RNF170: variants seen among roughly 807,000 people sequenced by gnomAD.
The protein encoded by RNF170 is ring finger protein 170.
Under a neutral mutation model 32.7 loss-of-function variants are expected in RNF170, and 12 were observed. That is an observed-to-expected ratio of 0.37 (90% confidence interval 0.24 to 0.60). RNF170 has a LOEUF of 0.60. RNF170 is among the 20% of genes least tolerant of loss of function. RNF170 has a pLI of 0.72. For missense variants in RNF170, 212 were observed against 311.2 expected (o/e 0.68, Z 2.40); for synonymous variants, 91 against 103.6 (o/e 0.88, Z 0.74).
chr8:42,850,733 A>G (rs1304964947), downstream of RNF170: 11 of 1,548,206 alleles, frequency 7.1e-6, no homozygotes, highest in Non-Finnish European at 3.5e-6. Flanking sequence ...GTCACTGCCT[A>G]CTTTTGCACT....
intron 1 of RNF170, among the ~76,000 whole-genome samples, chr8:42,888,340 A>G (rs1490904171): frequency 6.6e-6 from 1 of 152,098 alleles, no homozygotes; most frequent in Non-Finnish European, 1.5e-5. Context: ...CCGGGATTAC[A>G]GGCATGAGCC....
At chr8:42,896,385 G>A (rs1309444403) in intron 1 of RNF170, 99 bp downstream of exon 1, 2 of 441,430 alleles carry the variant, frequency 4.5e-6, no homozygotes, top group South Asian at 3.2e-5. Context: ...GCCCCGCAGA[G>A]CCTCGGCGGC....
At chr8:42,871,117 G>A (rs919192215) in intron 3 of RNF170, among the ~76,000 whole-genome samples, 2 of 151,952 alleles carry the variant, frequency 1.3e-5, no homozygotes, top group African/African-American at 4.8e-5. Context: ...GGGTGAGGTG[G>A]GAGAATCACT....
chr8:42,877,802 G>C (rs1406720621), intron 2 of RNF170, among the ~76,000 whole-genome samples: 1 of 152,272 alleles, frequency 6.6e-6, no homozygotes, highest in African/African-American at 2.4e-5. Flanking sequence ...CAGAAACTAT[G>C]TATATCAAAG....
At chr8:42,850,826 G>A (rs993735131), downstream of RNF170, 3 of 1,551,538 alleles carry the variant, frequency 1.9e-6, no homozygotes, top group African/African-American at 2.7e-5. Flanking sequence ...ACACAGTCTA[G>A]TAACGTGAAG....
chr8:42,890,328 A>G (rs1806194522), intron 1 of RNF170, among the ~76,000 whole-genome samples: 1 of 144,406 alleles, frequency 6.9e-6, no homozygotes, highest in South Asian at 2.2e-4. Context: ...CCCAGGCTGG[A>G]GTGCAGCAAC....
intron 4 of RNF170, among the ~76,000 whole-genome samples, chr8:42,869,067 C>T (rs968988248): frequency 4.6e-5 from 7 of 152,028 alleles, no homozygotes; most frequent in African/African-American, 9.7e-5. Flanking sequence ...TGAGCTATTG[C>T]GCCTGGCTAA....
intron 5 of RNF170, among the ~76,000 whole-genome samples, chr8:42,862,928 G>A (rs1020594275): frequency 6.6e-6 from 1 of 152,190 alleles, no homozygotes; most frequent in Non-Finnish European, 1.5e-5. Flanking sequence ...TGGTCCTGGG[G>A]CAGGTGCAAG....
At chr8:42,864,411 T>C (rs1474214832) in intron 5 of RNF170, among the ~76,000 whole-genome samples, 1 of 152,180 alleles carries the variant, frequency 6.6e-6, no homozygotes, top group Non-Finnish European at 1.5e-5. Context: ...TGTATTTTTA[T>C]TTTAAATGAA....
At chr8:42,886,533 C>G (rs532368401) in intron 2 of RNF170, among the ~76,000 whole-genome samples, 92 of 152,276 alleles carry the variant, frequency 6.0e-4, no homozygotes, top group Admixed American at 2.5e-3. Flanking sequence ...TCAAGTGATT[C>G]TCACGCCTCA....
At chr8:42,896,896 C>G (rs1015920017), upstream of RNF170, 1 of 356,408 alleles carries the variant, frequency 2.8e-6, no homozygotes, top group African/African-American at 2.1e-5. Flanking sequence ...GGACGCGGGG[C>G]GGCGGGCGTG....
At position 42,855,095 on chromosome 8, in the gene RNF170, G is replaced by A. The variant is rs1442914235; in HGVS notation, c.*1064C>T. ...AAATGCATCAGGCTACTCTGTGTTT[G>A]CAGCATCGCCCAGGTTCCTAAAACA... is the stretch of plus-strand genomic sequence containing the variant. On this transcript the variant is annotated 3_prime_UTR_variant, in exon 7 of 7. Coordinates refer to ENST00000527424, the MANE Select transcript of RNF170 (RefSeq NM_030954.4). The A allele has an allele frequency of 1.6e-6, 2 of 1,287,198 alleles. No individual in the cohort carries two copies. Among genetic ancestry groups the A allele is most frequent in the African/African-American group, 3.0e-5 (2 of 65,906 alleles). The allele number at this position is 1,287,198 out of a possible 1,614,324, so 79.7% of individuals were successfully genotyped here.
chr8:42,865,051 G>T (rs1803980460), intron 5 of RNF170, among the ~76,000 whole-genome samples: 1 of 151,592 alleles, frequency 6.6e-6, no homozygotes, highest in African/African-American at 2.4e-5. Context: ...GCGTTCAGGA[G>T]TTTCAGACCA....
At chr8:42,883,682 C>G (rs1166249664) in intron 2 of RNF170, among the ~76,000 whole-genome samples, 1 of 151,534 alleles carries the variant, frequency 6.6e-6, no homozygotes, top group South Asian at 2.1e-4. Flanking sequence ...GAGTTCAAGA[C>G]CAGCCTGACC....
At chr8:42,864,705 G>T (rs1803949396) in intron 5 of RNF170, among the ~76,000 whole-genome samples, 1 of 150,446 alleles carries the variant, frequency 6.6e-6, no homozygotes, top group South Asian at 2.1e-4. Flanking sequence ...TAAAAGGAAT[G>T]AAACATTAAA....
At chr8:42,857,191 ATAAGT>A (rs765695108) in intron 6 of RNF170, among the ~76,000 whole-genome samples, 100 of 152,372 alleles carry the variant, frequency 6.6e-4, no homozygotes, top group Middle Eastern at 6.8e-3. Context: ...CAAGTGCCAA[ATAAGT>A]TGAGAGGGAG....
chr8:42,858,778 T>C (rs1803435748), intron 6 of RNF170, among the ~76,000 whole-genome samples: 2 of 152,114 alleles, frequency 1.3e-5, no homozygotes, highest in Admixed American at 6.5e-5. Flanking sequence ...GCTGAGAGCA[T>C]AGAGCAGGGT....
intron 1 of RNF170, among the ~76,000 whole-genome samples, chr8:42,895,145 T>G (rs967697737): frequency 6.6e-6 from 1 of 151,748 alleles, no homozygotes; most frequent in East Asian, 1.9e-4. Flanking sequence ...CGAGACCCCC[T>G]CTCTACAAAA....
At position 42,863,984 on chromosome 8, in the gene RNF170, T is replaced by G. The variant is rs6994306; in HGVS notation, c.396+1432A>C. ...CTGAAGGAGAGAGAGAGAGAGAGTG[T>G]GTGTGTGTGTGTGTGTGTGTGTGTG... On this transcript the variant is annotated intron_variant, in intron 5 of 6. Coordinates refer to ENST00000527424, the MANE Select transcript of RNF170 (RefSeq NM_030954.4). Among the ~76,000 whole-genome samples, 730 of 124,134 alleles carry G rather than the reference T, an allele frequency of 5.9e-3. 4 individuals carry two copies. The highest frequency in any genetic ancestry group is 0.023 in the African/African-American group (680 of 29,008). 81.4% of individuals were successfully genotyped at this position (124,134 alleles called of 152,430 possible). A position where few individuals can be genotyped will look rare whatever the true frequency, so the allele number is the denominator to read the frequency against.
Sources: gnomAD v4.1 joint callset for allele counts (sites outside exome capture counted in the v4.1 genomes callset) on GRCh38, gnomAD v4.1.1 for gene constraint, MANE v1.5 for transcripts, NCBI Gene and HGNC (gene_info 2026-07-23, HGNC 2026-07-21) for gene names.